Variants in C4orf36 observed in about 807,000 individuals in gnomAD.
The protein encoded by C4orf36 is chromosome 4 open reading frame 36.
A neutral mutation model predicts 12.2 loss-of-function variants in C4orf36; 11 were observed. That is an observed-to-expected ratio of 0.90 (90% CI 0.57 to 1.49). C4orf36 has a LOEUF of 1.49. C4orf36 is among the 40% of genes most tolerant of loss of function. C4orf36 has a pLI of 0.00. For missense variants in C4orf36, 137 were observed against 133.9 expected (o/e 1.02, Z -0.11); for synonymous variants, 54 against 51.3 (o/e 1.05, Z -0.22).
At chr4:86,890,058 G>T (rs1486279339) in intron 2 of C4orf36, 3 of 454,494 alleles carry the variant, frequency 6.6e-6, no homozygotes, top group Admixed American at 2.4e-5. Context: ...CGGGCACAGT[G>T]GTGTGTGCCT....
chr4:86,890,207 G>GAGGAAGGAAGGAAGGAAGGA (rs368198862), intron 2 of C4orf36: 1 of 181,158 alleles, frequency 5.5e-6, no homozygotes, highest in Non-Finnish European at 1.2e-5. Flanking sequence ...GGGAGGGAGG[G>GAGGAAGGAAGGAAGGAAGGA]AGGAAGGAAG....
the C4orf36 span, among the ~76,000 whole-genome samples, chr4:86,899,261 C>T: frequency 6.6e-6 from 1 of 152,098 alleles, no homozygotes; most frequent in Non-Finnish European, 1.5e-5. Context: ...GACACCCCTG[C>T]AGTTCATTAG....
the C4orf36 span, among the ~76,000 whole-genome samples, chr4:86,921,883 G>A: frequency 6.6e-6 from 1 of 152,062 alleles, no homozygotes; most frequent in Middle Eastern, 3.2e-3. Flanking sequence ...TCTACTTTCT[G>A]TCTGTATGAA....
chr4:86,891,362 G>T, intron 2 of C4orf36, 94 bp downstream of exon 2: 1 of 1,160,606 alleles, frequency 8.6e-7, no homozygotes. Context: ...GTATCTCATG[G>T]GGAGCACAGA....
chr4:86,892,499 G>A, upstream of C4orf36: 7 of 978,182 alleles, frequency 7.2e-6, no homozygotes, highest in Middle Eastern at 5.3e-4. Flanking sequence ...AGGGGACGCC[G>A]GGCCCGGGAG....
chr4:86,901,447 G>A, the C4orf36 span, among the ~76,000 whole-genome samples: 4 of 150,240 alleles, frequency 2.7e-5, no homozygotes, highest in South Asian at 2.1e-4. Flanking sequence ...TCTATCTGTC[G>A]CCCAGGCTGG....
chr4:86,884,824 T>C (rs918816725), intron 4 of C4orf36, among the ~76,000 whole-genome samples: 1 of 152,238 alleles, frequency 6.6e-6, no homozygotes, highest in African/African-American at 2.4e-5. Context: ...CTAGGGTTTT[T>C]ATGGTTTTTA....
Position 86,888,139 on chromosome 4 carries a change from G to C in C4orf36, c.202C>G (p.Leu68Val), listed in dbSNP as rs1215875435. 6.2e-7 allele frequency: 1 copy of C among 1,613,692 alleles called. No homozygotes were observed. Among genetic ancestry groups the C allele is most frequent in the Non-Finnish European group, 8.5e-7 (1 of 1,179,872 alleles). ...AACTTACATTCTGCAGAAGGGAGCA[G>C]TCCATCTTTAATGGTGGTACATTTT... ...LTKCTTIKDG[L>V]LPSAESIKLE... Residue 68 changes from leucine to valine, a missense_variant, in exon 3 of 5, where the codon CTG becomes GTG. Leu to Val is a conservative substitution (Grantham distance 32, BLOSUM62 1). Coordinates refer to ENST00000295898, the MANE Select transcript of C4orf36 (RefSeq NM_144645.4).
the C4orf36 span, among the ~76,000 whole-genome samples, chr4:86,908,065 C>A: frequency 2.0e-5 from 3 of 152,052 alleles, no homozygotes; most frequent in African/African-American, 4.8e-5. Context: ...CTCATCCTTG[C>A]TTTGCCTGCA....
chr4:86,924,967 G>C, the C4orf36 span: 1 of 152,190 alleles, frequency 6.6e-6, no homozygotes, highest in East Asian at 1.9e-4. Context: ...GTAGGCAAAG[G>C]GGGAGCAGGC....
intron 4 of C4orf36, among the ~76,000 whole-genome samples, chr4:86,880,069 T>C (rs1747015145): frequency 6.6e-6 from 1 of 152,086 alleles, no homozygotes; most frequent in Admixed American, 6.6e-5. Flanking sequence ...GCTCAAGCTG[T>C]TCTTAAACTC....
At chr4:86,897,163 C>T (rs1446700613), upstream of C4orf36, among the ~76,000 whole-genome samples, 1 of 152,024 alleles carries the variant, frequency 6.6e-6, no homozygotes, top group African/African-American at 2.4e-5. Context: ...GAGTTCAAGA[C>T]CAGCCTGAGC....
upstream of C4orf36, among the ~76,000 whole-genome samples, chr4:86,893,581 C>CAAA (rs559916313): frequency 0.063 from 8,550 of 135,172 alleles, 378 homozygotes; most frequent in Non-Finnish European, 0.09. Context: ...GACTCCATCT[C>CAAA]AAAAAAAAAA....
At chr4:86,878,987 C>G (rs1430345029) in intron 4 of C4orf36, among the ~76,000 whole-genome samples, 1 of 152,198 alleles carries the variant, frequency 6.6e-6, no homozygotes, top group African/African-American at 2.4e-5. Flanking sequence ...TACACTCTAG[C>G]CAGGCTGACT....
At chr4:86,905,444 T>C in the C4orf36 span, among the ~76,000 whole-genome samples, 1 of 152,118 alleles carries the variant, frequency 6.6e-6, no homozygotes, top group East Asian at 1.9e-4. Context: ...TCCCAGGTAC[T>C]TGGGAGGCTG....
At chr4:86,913,492 GT>G in the C4orf36 span, 1 of 794,952 alleles carries the variant, frequency 1.3e-6, no homozygotes, top group Non-Finnish European at 2.2e-6. Flanking sequence ...TGGATGCTCT[GT>G]TTTGGAACGT....
chr4:86,923,351 A>G, the C4orf36 span, among the ~76,000 whole-genome samples: 3 of 152,012 alleles, frequency 2.0e-5, no homozygotes, highest in Non-Finnish European at 4.4e-5. Context: ...TTGGCCTCCT[A>G]AAGTGCTGGA....
At chr4:86,931,494 G>A in the C4orf36 span, among the ~76,000 whole-genome samples, 1 of 152,006 alleles carries the variant, frequency 6.6e-6, no homozygotes, top group Non-Finnish European at 1.5e-5. Flanking sequence ...GACCTCCAGG[G>A]CTCAAGTTAT....
chr4:86,913,601 G>GA, the C4orf36 span: 1 of 1,383,178 alleles, frequency 7.2e-7, no homozygotes. Context: ...TGAGACAAAT[G>GA]AAACACTTAG....
Sources: allele counts gnomAD v4.1 joint callset (sites outside exome capture counted in the v4.1 genomes callset), GRCh38; gene constraint gnomAD v4.1.1; transcripts MANE v1.5; gene names NCBI Gene and HGNC (gene_info 2026-07-23, HGNC 2026-07-21).